The following CEP128 variants were observed in gnomAD, a reference collection of about 807,000 sequenced individuals.
The protein encoded by CEP128 is centrosomal protein 128kDa.
CEP128 carries 132 observed loss-of-function variants against 156.7 expected under a neutral mutation model. That is an observed-to-expected ratio of 0.84 (90% CI 0.73 to 0.97). The LOEUF is 0.97. Among genes scored for constraint, CEP128 ranks in the 50% least tolerant of loss-of-function variants. The pLI is 0.00. For synonymous variants in CEP128, 469 were observed against 448.9 expected (o/e 1.04, Z -0.57); for missense variants, 1,252 against 1,281.9 (o/e 0.98, Z 0.36).
chr14:80,514,774 T>G (rs529171150), intron 23 of CEP128: 1 of 249,542 alleles, frequency 4.0e-6, no homozygotes, highest in African/African-American at 2.2e-5. Context: ...GTTCTGATGC[T>G]GGGGGATATT....
intron 19 of CEP128, among the ~76,000 whole-genome samples, chr14:80,641,147 T>C (rs1170362894): frequency 3.9e-5 from 6 of 152,206 alleles, no homozygotes; most frequent in Non-Finnish European, 8.8e-5. Flanking sequence ...TCTCTCTGCA[T>C]CCATAACCAA....
intron 19 of CEP128, among the ~76,000 whole-genome samples, chr14:80,621,248 T>C (rs961223479): frequency 2.0e-5 from 3 of 152,170 alleles, no homozygotes; most frequent in African/African-American, 4.8e-5. Context: ...GTTGGAAAAT[T>C]ACTTACCATG....
At chr14:80,953,410 C>A (rs1886509442) in intron 2 of CEP128, among the ~76,000 whole-genome samples, 1 of 152,100 alleles carries the variant, frequency 6.6e-6, no homozygotes, top group South Asian at 2.1e-4. Context: ...ATGGTGAAAC[C>A]CCGTCTCCAC....
intron 9 of CEP128, among the ~76,000 whole-genome samples, chr14:80,843,390 T>A (rs747682519): frequency 1.6e-4 from 24 of 152,042 alleles, no homozygotes; most frequent in Admixed American, 3.3e-4. Flanking sequence ...GTTGCACACC[T>A]TTGGTCACAA....
upstream of CEP128, among the ~76,000 whole-genome samples, chr14:80,943,993 CA>C (rs36074282): frequency 0.28 from 27,985 of 101,006 alleles, 2,696 homozygotes; most frequent in Middle Eastern, 0.43. Context: ...GACTCCATCT[CA>C]AAAAAAAAAA....
intron 19 of CEP128, among the ~76,000 whole-genome samples, chr14:80,674,205 G>C (rs1352813796): frequency 6.6e-6 from 1 of 151,768 alleles, no homozygotes; most frequent in Non-Finnish European, 1.5e-5. Flanking sequence ...CTGAACCCAA[G>C]GAGATAACAA....
intron 16 of CEP128, among the ~76,000 whole-genome samples, chr14:80,763,842 G>A (rs905085639): frequency 6.6e-6 from 1 of 152,034 alleles, no homozygotes; most frequent in Non-Finnish European, 1.5e-5. Context: ...TTATAACCTT[G>A]GAGGCTACTG....
intron 19 of CEP128, among the ~76,000 whole-genome samples, chr14:80,647,019 G>A (rs185401880): frequency 0.28 from 22,283 of 79,430 alleles, 4,811 homozygotes; most frequent in Non-Finnish European, 0.39. Flanking sequence ...ATATGTGTGT[G>A]TATATATATG....
At chr14:80,837,585 C>T (rs1433120857) in intron 11 of CEP128, among the ~76,000 whole-genome samples, 6 of 152,056 alleles carry the variant, frequency 3.9e-5, no homozygotes, top group South Asian at 2.1e-4. Context: ...GGTGTGGTGG[C>T]GCATGCCTGT....
rs546317624 is a variant in CEP128 at position 80,905,282 on chromosome 14, C to A, written c.362-351G>T. The stretch of plus-strand genomic sequence containing the variant: ...TATAACTTAATACTAAAAAAAACAA[C>A]TTTTCAAACTACATAGTCTACAATC... On this transcript the variant is annotated intron_variant, in intron 5 of 24. Coordinates refer to ENST00000555265, the MANE Select transcript of CEP128 (RefSeq NM_152446.5). Among the ~76,000 whole-genome samples, 7 of 151,998 alleles carry A rather than the reference C, an allele frequency of 4.6e-5. No homozygotes were observed. In the East Asian group the frequency reaches 1.4e-3, roughly 29 times the overall value.
intron 16 of CEP128, among the ~76,000 whole-genome samples, chr14:80,764,427 A>C (rs566201990): frequency 6.6e-6 from 1 of 152,022 alleles, no homozygotes; most frequent in African/African-American, 2.4e-5. Flanking sequence ...TGAACCCGGG[A>C]AGCAGAGCTT....
intron 24 of CEP128, among the ~76,000 whole-genome samples, chr14:80,498,751 G>A (rs1279539050): frequency 2.0e-5 from 3 of 152,054 alleles, no homozygotes; most frequent in Non-Finnish European, 2.9e-5. Context: ...TTACTTGCTC[G>A]CTACTTGTTT....
At chr14:80,681,604 G>C (rs932353957) in intron 19 of CEP128, among the ~76,000 whole-genome samples, 1 of 152,172 alleles carries the variant, frequency 6.6e-6, no homozygotes, top group African/African-American at 2.4e-5. Context: ...TAGTGAGTGA[G>C]TTCTCATGAG....
intron 8 of CEP128, among the ~76,000 whole-genome samples, chr14:80,891,422 G>A (rs1555360437): frequency 1.3e-5 from 2 of 151,826 alleles, no homozygotes; most frequent in African/African-American, 2.4e-5. Context: ...TAGAACTTGA[G>A]GCCATTATGT....
intron 9 of CEP128, among the ~76,000 whole-genome samples, chr14:80,843,616 T>C (rs1179750049): frequency 6.6e-6 from 1 of 151,972 alleles, no homozygotes; most frequent in East Asian, 1.9e-4. Flanking sequence ...TTCACATGGG[T>C]AGAAAATAAA....
intron 13 of CEP128, 28 bp downstream of exon 13, chr14:80,831,115 G>T: frequency 5.6e-6 from 9 of 1,600,488 alleles, no homozygotes; most frequent in Non-Finnish European, 7.7e-6. Context: ...AAAATATTTC[G>T]AATATGACTT....
intron 19 of CEP128, among the ~76,000 whole-genome samples, chr14:80,641,334 CTTCTT>C (rs1295384986): frequency 6.6e-6 from 1 of 152,224 alleles, no homozygotes; most frequent in African/African-American, 2.4e-5. Flanking sequence ...AATACTGTGA[CTTCTT>C]GATGTTCAAG....
intron 9 of CEP128, 36 bp downstream of exon 9, chr14:80,862,721 C>T: frequency 7.4e-7 from 1 of 1,359,354 alleles, no homozygotes; most frequent in Non-Finnish European, 1.1e-6. Context: ...CATCCAAATT[C>T]AAGATTTACA....
intron 8 of CEP128, among the ~76,000 whole-genome samples, chr14:80,867,379 G>T (rs1449619917): frequency 6.6e-6 from 1 of 152,122 alleles, no homozygotes; most frequent in African/African-American, 2.4e-5. Flanking sequence ...TTTATTAATG[G>T]AATTTTTCAT....
Sources: gnomAD v4.1 joint callset for allele counts (sites outside exome capture counted in the v4.1 genomes callset) on GRCh38, gnomAD v4.1.1 for gene constraint, MANE v1.5 for transcripts, NCBI Gene and HGNC (gene_info 2026-07-23, HGNC 2026-07-21) for gene names.